The following TBC1D5 variants were observed in gnomAD, a reference collection of about 807,000 sequenced individuals.
TBC1D5 encodes TBC1 domain family member 5.
In TBC1D5, 75 loss-of-function variants were observed where a neutral mutation model predicts 100.3. That is an observed-to-expected ratio of 0.75 (90% CI 0.62 to 0.91). The LOEUF is 0.91. Ranked by LOEUF, TBC1D5 falls within the 40% of genes least tolerant of loss-of-function variation. The pLI, the probability that TBC1D5 is intolerant of heterozygous loss-of-function variation, is 0.00. For missense variants in TBC1D5, 910 were observed against 942.4 expected (o/e 0.97, Z 0.45); for synonymous variants, 323 against 325.6 (o/e 0.99, Z 0.09).
At chr3:17,163,162 A>T (rs1037181550) in intron 21 of TBC1D5, among the ~76,000 whole-genome samples, 1 of 152,128 alleles carries the variant, frequency 6.6e-6, no homozygotes, top group African/African-American at 2.4e-5. Context: ...GTTATCTGGC[A>T]TGCTTCCCCC....
At chr3:17,672,809 G>A (rs2068096395) in intron 1 of TBC1D5, 1 of 152,188 alleles carries the variant, frequency 6.6e-6, no homozygotes, top group Admixed American at 6.5e-5. Flanking sequence ...TGGATACAAT[G>A]CTATAAGAAT....
rs112660147 is a variant in TBC1D5 at position 17,239,391 on chromosome 3, T to C, written c.1332-972A>G. Among the ~76,000 whole-genome samples the C allele has an allele frequency of 7.5e-3, 1,148 of 152,304 alleles. 9 individuals are homozygous for C. Among genetic ancestry groups the C allele is most frequent in the African/African-American group, 0.025 (1,059 of 41,574 alleles). On this transcript the variant is annotated intron_variant, in intron 16 of 21. Coordinates refer to ENST00000253692, the Ensembl canonical transcript of TBC1D5. ...CTTTACTGTATCATTTCCATTAGCA[T>C]ACAACCATGGTGAGTATATGTATAT... is the stretch of plus-strand genomic sequence containing the variant.
At chr3:17,323,402 T>C (rs576568117) in intron 13 of TBC1D5, among the ~76,000 whole-genome samples, 3 of 152,248 alleles carry the variant, frequency 2.0e-5, no homozygotes, top group African/African-American at 7.2e-5. Flanking sequence ...ATAATAGGCA[T>C]AGAGACTGGA....
At chr3:17,739,611 G>C (rs1361800891) in exon 1 of TBC1D5, 1 of 152,352 alleles carries the variant, frequency 6.6e-6, no homozygotes, top group African/African-American at 2.4e-5. Context: ...CAGTGAACAA[G>C]TGCAAGCAAA....
chr3:17,325,946 T>C (rs1193800368), intron 13 of TBC1D5, among the ~76,000 whole-genome samples: 2 of 152,032 alleles, frequency 1.3e-5, no homozygotes, highest in Non-Finnish European at 2.9e-5. Context: ...CAAACAAAAA[T>C]GGTAAATAGA....
chr3:17,329,732 T>C (rs2086644273), intron 13 of TBC1D5, among the ~76,000 whole-genome samples: 1 of 152,174 alleles, frequency 6.6e-6, no homozygotes, highest in Non-Finnish European at 1.5e-5. Flanking sequence ...GAACATTTCC[T>C]TGGTCTCACA....
At chr3:17,228,993 T>C (rs1559452116) in intron 17 of TBC1D5, among the ~76,000 whole-genome samples, 2 of 152,138 alleles carry the variant, frequency 1.3e-5, no homozygotes, top group Non-Finnish European at 2.9e-5. Context: ...ATGGATTTTC[T>C]ATTACCAAAT....
At chr3:17,609,970 T>C (rs2061566185) in intron 2 of TBC1D5, among the ~76,000 whole-genome samples, 1 of 152,214 alleles carries the variant, frequency 6.6e-6, no homozygotes, top group Non-Finnish European at 1.5e-5. Flanking sequence ...ACTCTACATA[T>C]GTCATCTTGT....
chr3:17,618,363 C>T (rs1242017760), intron 2 of TBC1D5, among the ~76,000 whole-genome samples: 1 of 152,190 alleles, frequency 6.6e-6, no homozygotes, highest in Non-Finnish European at 1.5e-5. Flanking sequence ...GGTCAGGGAC[C>T]AACTTGAGTA....
At chr3:17,453,549 C>G (rs1208928413) in intron 3 of TBC1D5, among the ~76,000 whole-genome samples, 1 of 152,074 alleles carries the variant, frequency 6.6e-6, no homozygotes, top group Non-Finnish European at 1.5e-5. Flanking sequence ...ATTGGACAAT[C>G]TAGAGGAAAT....
intron 4 of TBC1D5, among the ~76,000 whole-genome samples, chr3:17,416,936 A>G (rs1320958979): frequency 6.6e-6 from 1 of 152,222 alleles, no homozygotes; most frequent in Non-Finnish European, 1.5e-5. Context: ...ACAAACCTGG[A>G]AGGGACAATT....
At chr3:17,630,546 C>T (rs2063403008) in intron 1 of TBC1D5, among the ~76,000 whole-genome samples, 2 of 152,194 alleles carry the variant, frequency 1.3e-5, no homozygotes, top group Non-Finnish European at 2.9e-5. Flanking sequence ...GTTCTGACTG[C>T]TCCACAGATC....
intron 2 of TBC1D5, among the ~76,000 whole-genome samples, chr3:17,614,303 T>C (rs538877316): frequency 6.6e-6 from 1 of 152,352 alleles, no homozygotes; most frequent in East Asian, 1.9e-4. Flanking sequence ...TGTAGTATAG[T>C]TTGAAGTCAG....
At chr3:17,554,464 C>T (rs1051545009) in intron 2 of TBC1D5, among the ~76,000 whole-genome samples, 2 of 152,174 alleles carry the variant, frequency 1.3e-5, no homozygotes, top group African/African-American at 4.8e-5. Context: ...GAAAACACTA[C>T]TGTAGGCAGG....
intron 2 of TBC1D5, among the ~76,000 whole-genome samples, chr3:17,571,205 T>C (rs914763638): frequency 2.6e-4 from 40 of 152,074 alleles, no homozygotes; most frequent in African/African-American, 9.4e-4. Flanking sequence ...CAAGTGACTC[T>C]GAAACTTAAC....
chr3:17,167,678 C>G, intron 20 of TBC1D5, 71 bp downstream of exon 21: 1 of 1,373,370 alleles, frequency 7.3e-7, no homozygotes, highest in South Asian at 1.2e-5. Context: ...CATCATGGTG[C>G]TCCATGCCCT....
intron 16 of TBC1D5, among the ~76,000 whole-genome samples, chr3:17,254,101 G>T (rs1158453384): frequency 1.3e-5 from 2 of 152,168 alleles, no homozygotes; most frequent in African/African-American, 2.4e-5. Flanking sequence ...TGTTTACCTG[G>T]TCTCTTGTTG....
intron 1 of TBC1D5, among the ~76,000 whole-genome samples, chr3:17,644,765 C>A (rs1452105469): frequency 6.6e-6 from 1 of 152,026 alleles, no homozygotes; most frequent in Non-Finnish European, 1.5e-5. Flanking sequence ...GATTTATTTT[C>A]ATAATGGATA....
chr3:17,453,292 G>C (rs2094972246), intron 3 of TBC1D5, among the ~76,000 whole-genome samples: 1 of 151,184 alleles, frequency 6.6e-6, no homozygotes, highest in Admixed American at 6.6e-5. Flanking sequence ...AAAATTAGGA[G>C]AAGAAAAGAA....
Sources: gnomAD v4.1 joint callset for allele counts (sites outside exome capture counted in the v4.1 genomes callset) on GRCh38, gnomAD v4.1.1 for gene constraint, MANE v1.5 for transcripts, NCBI Gene and HGNC (gene_info 2026-07-23, HGNC 2026-07-21) for gene names.